KLHL13: variants seen among roughly 807,000 people sequenced by gnomAD.
The protein encoded by KLHL13 is kelch-like protein 13.
In KLHL13, 10 loss-of-function variants were observed where a neutral mutation model predicts 37.1. That is an observed-to-expected ratio of 0.27 (90% confidence interval 0.17 to 0.46). The LOEUF (loss-of-function observed/expected upper bound fraction) is 0.46, where lower values mean the gene tolerates loss of function less well. KLHL13 is among the 20% of genes least tolerant of loss of function. The pLI is 1.00. For synonymous variants in KLHL13, 163 were observed against 181.2 expected (o/e 0.90, Z 0.81); for missense variants, 360 against 509.3 (o/e 0.71, Z 2.82).
chrX:118,058,651 A>G (rs1241271934), intron 1 of KLHL13, among the ~76,000 whole-genome samples: 1 of 112,333 alleles, frequency 8.9e-6, no homozygotes, highest in African/African-American at 3.2e-5. Context: ...AAATTAAAGC[A>G]CAATTTCTTT....
At chrX:117,910,988 A>G (rs888708910) in intron 4 of KLHL13, among the ~76,000 whole-genome samples, 1 of 112,089 alleles carries the variant, frequency 8.9e-6, no homozygotes, top group Non-Finnish European at 1.9e-5. Flanking sequence ...CCTCTTTTCA[A>G]TGCTCTAATA....
At chrX:118,100,016 T>C (rs1331467599) in intron 1 of KLHL13, among the ~76,000 whole-genome samples, 1 of 111,844 alleles carries the variant, frequency 8.9e-6, no homozygotes, top group Non-Finnish European at 1.9e-5. Context: ...TCTGTGTACA[T>C]ACTTTTTGTC....
chrX:117,968,154 T>C (rs1488398664), intron 1 of KLHL13, among the ~76,000 whole-genome samples: 1 of 102,615 alleles, frequency 9.7e-6, no homozygotes, highest in African/African-American at 3.4e-5. Context: ...TAAGCGTGTA[T>C]GTAATAGAAT....
At chrX:117,900,852 T>A (rs1291719249) in intron 6 of KLHL13, among the ~76,000 whole-genome samples, 1 of 110,874 alleles carries the variant, frequency 9.0e-6, no homozygotes, top group East Asian at 2.8e-4. Flanking sequence ...GAGGTGGTCA[T>A]TACATTAAAG....
At chrX:117,921,436 A>G (rs750896870) in intron 2 of KLHL13, among the ~76,000 whole-genome samples, 46 of 111,744 alleles carry the variant, frequency 4.1e-4, no homozygotes, top group Non-Finnish European at 7.3e-4. Context: ...ACTAAAGTAC[A>G]CCAAAAGGGA....
In KLHL13 at chrX:117,933,404, A is replaced by G. The variant is rs34313565; in HGVS notation, c.240+12030T>C. On this transcript the variant is annotated intron_variant, in intron 2 of 6. Transcript: ENST00000262820. ...TTTTTAATAAAGGTGCCAAGAACAC[A>G]CATGAGGAAAGGACAGTCTATTCAA... Among the ~76,000 whole-genome samples the G allele has an allele frequency of 7.0e-3, 778 of 111,520 alleles. 11 individuals carry two copies. Among genetic ancestry groups the G allele is most frequent in the African/African-American group, 0.024 (734 of 30,734 alleles).
At chrX:118,114,437 A>T (rs1036888720) in intron 1 of KLHL13, among the ~76,000 whole-genome samples, 5 of 112,461 alleles carry the variant, frequency 4.4e-5, no homozygotes, top group Non-Finnish European at 9.4e-5. Flanking sequence ...TTCCTGGCAA[A>T]TATAAATAGT....
chrX:118,051,317 G>A (rs2054610852), intron 1 of KLHL13, among the ~76,000 whole-genome samples: 1 of 110,646 alleles, frequency 9.0e-6, no homozygotes, highest in Admixed American at 9.7e-5. Context: ...GAGGTGGGCA[G>A]ATCACGAGGT....
At chrX:117,953,476 T>C (rs1318072306) in intron 1 of KLHL13, among the ~76,000 whole-genome samples, 3 of 110,667 alleles carry the variant, frequency 2.7e-5, no homozygotes, top group Admixed American at 9.7e-5. Flanking sequence ...ATGGGTGCAG[T>C]GCACCAGCAT....
exon 5 of KLHL13, chrX:117,909,374 G>A (rs754807866): frequency 1.7e-6 from 2 of 1,210,798 alleles, no homozygotes; most frequent in South Asian, 1.8e-5. Flanking sequence ...GGAAGAAGGT[G>A]CGCTTTTCAT....
upstream of KLHL13, among the ~76,000 whole-genome samples, chrX:117,975,199 C>CAT (rs2053583022): frequency 9.0e-6 from 1 of 110,916 alleles, no homozygotes; most frequent in Non-Finnish European, 1.9e-5. Flanking sequence ...CACACACACA[C>CAT]ACAGCCACAC....
intron 1 of KLHL13, among the ~76,000 whole-genome samples, chrX:118,100,067 G>C (rs1387728026): frequency 1.8e-5 from 2 of 111,854 alleles, no homozygotes; most frequent in Non-Finnish European, 3.8e-5. Flanking sequence ...ATGAAGTAAA[G>C]GTTCTCCCCT....
rs761671135 is a variant in KLHL13 at position 117,910,096 on chromosome X, C to A, written c.571G>T (p.Val191Phe). Reference sequence around the variant, plus strand: ...ACTTCAACACAGTTGTCTAAAGTGACCTATTAAGCCAATTAAAAAAAATTA... The same window carrying A: ...ACTTCAACACAGTTGTCTAAAGTGAACTATTAAGCCAATTAAAAAAAATTA... The change falls in exon 5 of 7, where the codon GTC (valine) becomes TTC (phenylalanine). Residue 191 changes from valine (V) to phenylalanine (F), a missense_variant and splice_region_variant. By Grantham distance (50) the Val-to-Phe change is conservative. This residue lies in a region of KLHL13 where 194 missense variants were observed against 225.0 expected (regional missense o/e 0.86). Coordinates refer to ENST00000262820, the Ensembl canonical transcript of KLHL13. The A allele has an allele frequency of 2.5e-5, 28 of 1,136,347 alleles. No individual in the cohort carries two copies. The highest frequency in any genetic ancestry group is 3.1e-5 in the Non-Finnish European group (27 of 862,266). 93.6% of individuals were successfully genotyped at this position (1,136,347 alleles called of 1,213,427 possible).
Position 117,945,425 on chromosome X carries a change from T to C in KLHL13, c.240+9A>G. On this transcript the variant is annotated intron_variant, in intron 2 of 6. Transcript: ENST00000262820. ...ACGTAAACACTACCAAAGAGACAGC[T>C]TAAATTACCTGTAACACCACAGAAC... 1.7e-6 allele frequency: 2 copies of C among 1,206,181 alleles called. No individual in the cohort carries two copies. Among genetic ancestry groups the C allele is most frequent in the Non-Finnish European group, 2.2e-6 (2 of 892,713 alleles).
chrX:117,975,800 G>A (rs190485321), upstream of KLHL13, among the ~76,000 whole-genome samples: 300 of 112,035 alleles, frequency 2.7e-3, 1 homozygote, highest in African/African-American at 9.2e-3. Flanking sequence ...TTGATGAGTG[G>A]AAAACAGGCA....
At chrX:117,930,094 C>T (rs138353127) in intron 2 of KLHL13, among the ~76,000 whole-genome samples, 1,235 of 106,454 alleles carry the variant, frequency 0.012, 21 homozygotes, top group African/African-American at 0.04. Context: ...GAGGTTTTAT[C>T]CAGTGCAATA....
At chrX:117,953,205 T>C (rs1312205889) in intron 1 of KLHL13, among the ~76,000 whole-genome samples, 31 of 110,436 alleles carry the variant, frequency 2.8e-4, no homozygotes, top group African/African-American at 1.0e-3. Context: ...CACATATACA[T>C]CATGGAATAC....
In KLHL13 at chrX:118,007,850, T is replaced by A. The variant is rs755406222; in HGVS notation, c.-55-62275A>T. ...CAAAGCCTTTAAATTGCCATAGCTA[T>A]TAATAAGTCCCAAAGACAGGCATGG... On this transcript the variant is annotated intron_variant, in intron 1 of 6. Transcript: ENST00000371882. Among the ~76,000 whole-genome samples the A allele has an allele frequency of 4.5e-5, 5 of 111,627 alleles. No individual in the cohort carries two copies. The South Asian group carries it at 1.2e-3, about 26-fold the overall frequency.
intron 1 of KLHL13, among the ~76,000 whole-genome samples, chrX:117,966,288 A>C (rs1045266789): frequency 2.7e-5 from 3 of 111,821 alleles, no homozygotes; most frequent in Non-Finnish European, 5.6e-5. Flanking sequence ...CAGCCAAATC[A>C]TGAGGGAACT....
Sources: gnomAD v4.1 joint callset for allele counts (sites outside exome capture counted in the v4.1 genomes callset) on GRCh38, gnomAD v4.1.1 for gene constraint, gnomAD v4.1.1 regional missense constraint, MANE v1.5 for transcripts, NCBI Gene and HGNC (gene_info 2026-07-23, HGNC 2026-07-21) for gene names.